MAST4: variants seen among roughly 807,000 people sequenced by gnomAD.
MAST4 encodes the protein microtubule-associated serine/threonine-protein kinase 4.
MAST4 carries 89 observed loss-of-function variants against 162.7 expected under a neutral mutation model. The ratio of observed to expected loss-of-function variants is 0.55; its 90% CI spans 0.46 to 0.65. The LOEUF (loss-of-function observed/expected upper bound fraction) is 0.65. Among genes scored for constraint, MAST4 ranks in the 30% least tolerant of loss-of-function variants. The pLI, the probability that MAST4 is intolerant of heterozygous loss-of-function variation, is 0.00. For missense variants in MAST4, 3,153 were observed against 3,374.0 expected, an observed-to-expected ratio of 0.93 and a Z score of 1.62; for synonymous variants, 1,479 against 1,361.1, an observed-to-expected ratio of 1.09 and a Z score of -1.91.
At chr5:67,086,072 T>C (rs1031599486) in intron 5 of MAST4, among the ~76,000 whole-genome samples, 3 of 152,296 alleles carry the variant, frequency 2.0e-5, no homozygotes, top group Middle Eastern at 6.8e-3. Context: ...ACAGCACTGA[T>C]TGTTATGGTG....
At chr5:66,732,593 T>G (rs772971298) in intron 1 of MAST4, among the ~76,000 whole-genome samples, 23 of 152,228 alleles carry the variant, frequency 1.5e-4, no homozygotes, top group Non-Finnish European at 2.8e-4. Flanking sequence ...GACAATGCTT[T>G]GTGAACTTTA....
At position 67,136,574 on chromosome 5, in the gene MAST4, T is replaced by C. The variant is rs751999733; in HGVS notation, c.2404T>C (p.Trp802Arg). ...FGQVISDEIN[W>R]PEKDEAPPPD... ...TTTCTTCCTTCTAGATGAGATCAAC[T>C]GGCCTGAGAAGGATGAGGCACCCCC... The change falls in exon 19 of 29, where the codon TGG becomes CGG. Residue 802 changes from tryptophan to arginine, a missense_variant. Trp to Arg is a moderately radical substitution (Grantham distance 101). Transcript: ENST00000403625. The C allele has an allele frequency of 6.2e-7, 1 of 1,603,298 alleles. No homozygotes were observed. Among genetic ancestry groups the C allele is most frequent in the Non-Finnish European group, 8.5e-7 (1 of 1,174,574 alleles).
At chr5:66,717,652 A>T (rs1300417469) in intron 1 of MAST4, among the ~76,000 whole-genome samples, 2 of 152,166 alleles carry the variant, frequency 1.3e-5, no homozygotes, top group Non-Finnish European at 2.9e-5. Context: ...TTCCCTGGGG[A>T]GGTTGCTAGG....
At chr5:66,796,855 T>C (rs1755676546) in intron 3 of MAST4, among the ~76,000 whole-genome samples, 1 of 152,190 alleles carries the variant, frequency 6.6e-6, no homozygotes, top group Non-Finnish European at 1.5e-5. Context: ...ACTGTATCTG[T>C]AGCACCAAGG....
Position 67,141,966 on chromosome 5 carries a change from CT to C in MAST4, c.2495-146del, listed in dbSNP as rs1256334277. The C allele has an allele frequency of 3.7e-6, 3 of 804,318 alleles. No homozygotes were observed. The African/African-American group carries it at 5.2e-5, about 14-fold the overall frequency. The allele number at this position is 804,318 out of a possible 1,614,324, so 49.8% of individuals were successfully genotyped here. On this transcript the variant is annotated intron_variant, in intron 19 of 28. Coordinates refer to ENST00000403625, the MANE Select transcript of MAST4 (RefSeq NM_001164664.2). The stretch of plus-strand genomic sequence containing the variant: ...TAAATTATCAGAAAAACTTGTGGGG[CT>C]TTGGTTGTAGAATGAAAAAGTATGA...
chr5:66,896,737 CCT>C (rs1173782089), intron 3 of MAST4, among the ~76,000 whole-genome samples: 32 of 152,240 alleles, frequency 2.1e-4, no homozygotes, highest in Admixed American at 1.9e-3. Flanking sequence ...AGTTTTCTCC[CCT>C]GTCTTCATGA....
chr5:66,879,534 G>C (rs1291460452), intron 3 of MAST4, among the ~76,000 whole-genome samples: 1 of 152,022 alleles, frequency 6.6e-6, no homozygotes, highest in Non-Finnish European at 1.5e-5. Flanking sequence ...TTGAGACAAA[G>C]TCTCACTCTC....
chr5:66,750,953 A>C (rs1024164470), intron 1 of MAST4, among the ~76,000 whole-genome samples: 7 of 152,344 alleles, frequency 4.6e-5, no homozygotes, highest in East Asian at 3.9e-4. Flanking sequence ...AGATCTGAGA[A>C]CAGGCAGACT....
intron 23 of MAST4, among the ~76,000 whole-genome samples, chr5:67,145,746 G>T (rs1488361147): frequency 6.6e-6 from 1 of 152,184 alleles, no homozygotes; most frequent in Non-Finnish European, 1.5e-5. Flanking sequence ...TAACTCAAAA[G>T]TTCAGTGTAA....
intron 4 of MAST4, among the ~76,000 whole-genome samples, chr5:67,007,387 C>T (rs544974219): frequency 5.3e-5 from 8 of 152,300 alleles, no homozygotes; most frequent in African/African-American, 1.9e-4. Flanking sequence ...CAGGTGAGGA[C>T]ACCTTGCTGT....
chr5:66,679,525 C>T (rs905230425), intron 1 of MAST4, among the ~76,000 whole-genome samples: 4 of 151,994 alleles, frequency 2.6e-5, no homozygotes, highest in East Asian at 1.9e-4. Flanking sequence ...GTATAAACTT[C>T]GCTGAAGAGG....
intron 1 of MAST4, among the ~76,000 whole-genome samples, chr5:66,732,535 A>G (rs1751916727): frequency 6.6e-6 from 1 of 152,158 alleles, no homozygotes; most frequent in Admixed American, 6.5e-5. Context: ...TTTGTGCTAT[A>G]GTTATTTGCT....
At chr5:66,896,392 T>TG (rs1379717036) in intron 3 of MAST4, among the ~76,000 whole-genome samples, 1 of 152,224 alleles carries the variant, frequency 6.6e-6, no homozygotes, top group Non-Finnish European at 1.5e-5. Flanking sequence ...CAGTGGTATC[T>TG]GTGGGTTTCC....
At chr5:67,049,053 A>ATATATACGTATATATATATATATATACAC (rs1757818011) in intron 4 of MAST4, among the ~76,000 whole-genome samples, 1 of 105,662 alleles carries the variant, frequency 9.5e-6, no homozygotes, top group Non-Finnish European at 2.0e-5. Context: ...GTGTATATAT[A>ATATATACGTATATATATATATATATACAC]TATATACGTA....
intron 4 of MAST4, among the ~76,000 whole-genome samples, chr5:66,907,142 A>G (rs183857970): frequency 0.01 from 1,522 of 147,736 alleles, 36 homozygotes; most frequent in African/African-American, 0.037. Flanking sequence ...AAAAGGAAAA[A>G]TAACTCTCAG....
chr5:66,601,405 G>A (rs1421282675), intron 1 of MAST4, among the ~76,000 whole-genome samples: 2 of 152,182 alleles, frequency 1.3e-5, no homozygotes, highest in African/African-American at 2.4e-5. Flanking sequence ...ACTCTAGTTG[G>A]GGAGATAGTC....
chr5:66,700,176 A>G (rs972202407), intron 1 of MAST4, among the ~76,000 whole-genome samples: 11 of 152,300 alleles, frequency 7.2e-5, no homozygotes, highest in Admixed American at 4.6e-4. Flanking sequence ...TGTTTTCTCT[A>G]TTGGCAGCAA....
intron 4 of MAST4, among the ~76,000 whole-genome samples, chr5:67,003,146 T>C (rs1420206247): frequency 6.6e-6 from 1 of 151,992 alleles, no homozygotes; most frequent in Non-Finnish European, 1.5e-5. Context: ...AAGAAGAGCA[T>C]GGGGCAAAAA....
chr5:67,076,642 G>A (rs1020672169), intron 5 of MAST4, among the ~76,000 whole-genome samples: 12 of 152,094 alleles, frequency 7.9e-5, no homozygotes, highest in Admixed American at 6.5e-5. Flanking sequence ...CTGGTTCCAG[G>A]ATGTTTCAGT....
Sources: allele counts gnomAD v4.1 joint callset (sites outside exome capture counted in the v4.1 genomes callset), GRCh38; gene constraint gnomAD v4.1.1; transcripts MANE v1.5; gene names NCBI Gene and HGNC (gene_info 2026-07-23, HGNC 2026-07-21).